DNAH11: variants seen among roughly 807,000 people sequenced by gnomAD.
DNAH11 encodes dynein axonemal heavy chain 11, also known as axonemal beta dynein heavy chain 11.
In DNAH11, 442 loss-of-function variants were observed where a neutral mutation model predicts 526.0. The ratio of observed to expected loss-of-function variants is 0.84; its 90% CI spans 0.78 to 0.91. The LOEUF is 0.91. Ranked by LOEUF, DNAH11 falls within the 40% of genes least tolerant of loss-of-function variation. The probability of loss-of-function intolerance (pLI) is 0.00; values close to 1 mark genes in which losing one functional copy is unlikely to be tolerated. For synonymous variants in DNAH11, 2,461 were observed against 1,935.9 expected (o/e 1.27, Z -7.12); for missense variants, 6,989 against 5,448.7 (o/e 1.28, Z -8.90).
At chr7:21,827,429 ATAT>A (rs1298884650) in intron 65 of DNAH11, among the ~76,000 whole-genome samples, 2 of 151,628 alleles carry the variant, frequency 1.3e-5, no homozygotes, top group African/African-American at 4.8e-5. Flanking sequence ...ATTTTTTAAA[ATAT>A]TATTTAAATA....
rs1784474955 is a variant in DNAH11, at chr7:21,711,812, C to G, written c.6935C>G (p.Ser2312Cys). 6.2e-7 allele frequency: 1 copy of G among 1,613,802 alleles called. No individual in the cohort carries two copies. The highest frequency in any genetic ancestry group is 8.5e-7 in the Non-Finnish European group (1 of 1,179,798). Residue 2312 changes from serine (S) to cysteine (C), a missense_variant, in exon 42 of 82, where the codon TCC (serine) becomes TGC (cysteine). Transcript: ENST00000409508. ...AGGAGCGCAACCCCGGCCACTGTTT[C>G]CAGAGCTGGTATTCTGTATGTGAAC... is the stretch of plus-strand genomic sequence containing the variant. The part of the protein sequence containing the change: ...HLRSATPATV[S>C]RAGILYVNPQ...
At chr7:21,647,427 C>CTTTTTTTTTTT (rs71026810) in intron 28 of DNAH11, among the ~76,000 whole-genome samples, 12 of 121,214 alleles carry the variant, frequency 9.9e-5, no homozygotes, top group Admixed American at 1.8e-4. Flanking sequence ...TTCTTTCTTT[C>CTTTTTTTTTTT]TTTTTTTTTT....
intron 8 of DNAH11, among the ~76,000 whole-genome samples, chr7:21,572,964 G>A (rs1296941974): frequency 6.6e-6 from 1 of 152,192 alleles, no homozygotes; most frequent in African/African-American, 2.4e-5. Context: ...CGTACAGAAT[G>A]GGATTCTTAA....
chr7:21,824,894 C>CA (rs1790208515), intron 65 of DNAH11, among the ~76,000 whole-genome samples: 1 of 152,214 alleles, frequency 6.6e-6, no homozygotes, highest in East Asian at 1.9e-4. Flanking sequence ...GTTTTTGAAA[C>CA]AGAGTCTTGC....
intron 63 of DNAH11, among the ~76,000 whole-genome samples, chr7:21,814,879 A>G (rs1789706273): frequency 6.6e-6 from 1 of 152,176 alleles, no homozygotes; most frequent in African/African-American, 2.4e-5. Context: ...AAATATTTTT[A>G]TGAAAAAAAT....
In DNAH11 at chr7:21,698,319, AT is replaced by A. The variant is rs1269163994; in HGVS notation, c.6180+113del. The A allele has an allele frequency of 4.7e-6, 7 of 1,474,440 alleles. No individual in the cohort carries two copies. In the Admixed American group the frequency reaches 1.0e-4, roughly 21 times the overall value. 91.3% of individuals were successfully genotyped at this position (1,474,440 alleles called of 1,614,324 possible). Reference sequence around the variant, plus strand: ...CATTCAAATTACATTAGACATTAAAATTTTTTTGTACTTAAAAAAATTCAAT... The same window carrying A: ...CATTCAAATTACATTAGACATTAAAATTTTTTGTACTTAAAAAAATTCAAT... On this transcript the variant is annotated intron_variant, in intron 36 of 81. Coordinates refer to ENST00000409508, the MANE Select transcript of DNAH11 (RefSeq NM_001277115.2).
chr7:21,841,626 C>T (rs1276468436), intron 65 of DNAH11, among the ~76,000 whole-genome samples: 1 of 152,118 alleles, frequency 6.6e-6, no homozygotes, highest in Non-Finnish European at 1.5e-5. Flanking sequence ...GTGAGTGTCC[C>T]TGCCATGGGA....
chr7:21,655,723 C>A (rs1562732446), intron 28 of DNAH11, 109 bp from the exon 29 acceptor site: 3 of 1,093,592 alleles, frequency 2.7e-6, no homozygotes, highest in Non-Finnish European at 3.8e-6. Context: ...CATTTTGAGA[C>A]AACTCTAACT....
Position 21,831,660 on chromosome 7 carries a change from T to C in DNAH11, c.10692-10884T>C, listed in dbSNP as rs74778305. 7.5e-3 allele frequency among the ~76,000 whole-genome samples: 1,140 copies of C among 152,264 alleles called. 13 individuals are homozygous for C. Among genetic ancestry groups the C allele is most frequent in the African/African-American group, 0.025 (1,058 of 41,552 alleles). ...AACACCTATTCCCCAAGCAGATACA[T>C]TTCTGCTTTTCAAACTGGAATCCTG... On this transcript the variant is annotated intron_variant, in intron 65 of 81. Transcript: ENST00000409508.
chr7:21,873,486 G>A lies in DNAH11; in HGVS notation c.12180G>A (p.Leu4060=). 6.2e-7 allele frequency: 1 copy of A among 1,613,962 alleles called. No individual in the cohort carries two copies. Among genetic ancestry groups the A allele is most frequent in the Non-Finnish European group, 8.5e-7 (1 of 1,179,866 alleles). Residue 4060 remains leucine (L), a synonymous_variant, in exon 74 of 82, where the codon CTG becomes CTA. Transcript: ENST00000409508. ...TGCTGGCCAATTTGCATGCCGCCCT[G>A]TACAACTTTGATCAGGTAAGAAAGC... ...TGMLANLHAA[L]YNFDQDTLEI... is the part of the protein sequence containing the mutation.
At chr7:21,626,899 C>T (rs143210289) in intron 25 of DNAH11, among the ~76,000 whole-genome samples, 3,654 of 151,676 alleles carry the variant, frequency 0.024, 116 homozygotes, top group East Asian at 0.074. Context: ...TACAGGCGCC[C>T]GCCACCATGC....
Position 21,801,144 on chromosome 7 carries a change from A to T in DNAH11, c.10034A>T (p.Asp3345Val), listed in dbSNP as rs779699726. 1 of 1,607,832 alleles carries T rather than the reference A, an allele frequency of 6.2e-7. No homozygotes were observed. Among genetic ancestry groups the T allele is most frequent in the Admixed American group, 1.7e-5 (1 of 59,134 alleles). The change falls in exon 62 of 82, where the codon GAT becomes GTT. Residue 3345 changes from aspartate to valine, a missense_variant. By Grantham distance (152) the Asp-to-Val change is radical. Coordinates refer to ENST00000409508, the MANE Select transcript of DNAH11 (RefSeq NM_001277115.2). Reference protein sequence around the residue: ...EAIRKKLVDLDRNLSRLTASF... With the variant: ...EAIRKKLVDLVRNLSRLTASF... ...AATTCAACTCTGATTCAGGATCTGG[A>T]TCGAAATCTGAGCAGACTCACGGCT...
Position 21,710,580 on chromosome 7 carries a change from C to T in DNAH11, c.6711C>T (p.Leu2237=). 1.9e-6 allele frequency: 3 copies of T among 1,611,650 alleles called. No homozygotes were observed. Among genetic ancestry groups the T allele is most frequent in the Non-Finnish European group, 8.5e-7 (1 of 1,178,236 alleles). Reference sequence around the variant, plus strand: ...TTGTTTACTCTTATTTTATAGGTCTCTTCTCATCCATTCTACGAGAACAAG... The same window carrying T: ...TTGTTTACTCTTATTTTATAGGTCTTTTCTCATCCATTCTACGAGAACAAG... ...GKIVYSYFIG[L]FSSILREQAN... The change falls in exon 41 of 82, where the codon CTC becomes CTT. Residue 2237 remains leucine, a synonymous_variant. Transcript: ENST00000409508.
At chr7:21,719,995 T>TA (rs1784814086) in intron 43 of DNAH11, among the ~76,000 whole-genome samples, 1 of 152,258 alleles carries the variant, frequency 6.6e-6, no homozygotes. Context: ...TTCCCCTCAT[T>TA]GCTGGCGCAA....
chr7:21,592,661 A>G (rs1784731171), intron 14 of DNAH11, among the ~76,000 whole-genome samples: 1 of 152,222 alleles, frequency 6.6e-6, no homozygotes, highest in Admixed American at 6.5e-5. Context: ...TATGCTAATA[A>G]TCCAGGTGAG....
At chr7:21,756,319 T>C (rs1237160040) in intron 54 of DNAH11, among the ~76,000 whole-genome samples, 1 of 152,104 alleles carries the variant, frequency 6.6e-6, no homozygotes. Context: ...TTATCTCATA[T>C]ATTAAATGCC....
At chr7:21,584,255 A>G (rs1339324796) in intron 9 of DNAH11, among the ~76,000 whole-genome samples, 1 of 152,260 alleles carries the variant, frequency 6.6e-6, no homozygotes, top group East Asian at 1.9e-4. Flanking sequence ...GCCATAAAGA[A>G]GAATGAGTTC....
Position 21,787,451 on chromosome 7 carries a change from A to C in DNAH11, c.9792A>C (p.Pro3264=). The C allele has an allele frequency of 4.3e-6, 7 of 1,613,614 alleles. No individual in the cohort carries two copies. Among genetic ancestry groups the C allele is most frequent in the Non-Finnish European group, 5.1e-6 (6 of 1,179,640 alleles). The change falls in exon 60 of 82, where the codon CCA becomes CCC. Residue 3264 remains proline (P), a synonymous_variant. Coordinates refer to ENST00000409508, the MANE Select transcript of DNAH11 (RefSeq NM_001277115.2). ...ALINYDKEHI[P]ENCLKVVNEH... ...TTAACTATGACAAAGAGCACATTCC[A>C]GAGAACTGTCTAAAAGTGGTGAATG...
intron 30 of DNAH11, among the ~76,000 whole-genome samples, chr7:21,669,965 A>G (rs972738188): frequency 3.3e-5 from 5 of 152,118 alleles, no homozygotes; most frequent in African/African-American, 9.7e-5. Flanking sequence ...CATTTTATAT[A>G]TACCTTCCAA....
Sources: gnomAD v4.1 joint callset for allele counts (sites outside exome capture counted in the v4.1 genomes callset) on GRCh38, gnomAD v4.1.1 for gene constraint, MANE v1.5 for transcripts, NCBI Gene and HGNC (gene_info 2026-07-23, HGNC 2026-07-21) for gene names.